CFAP299: variants seen among roughly 807,000 people sequenced by gnomAD.
The protein encoded by CFAP299 is cilia- and flagella-associated protein 299.
In CFAP299, 21 loss-of-function variants were observed where a neutral mutation model predicts 27.0. That is an observed-to-expected ratio of 0.78 (90% confidence interval 0.55 to 1.12). The LOEUF is 1.12. Ranked by LOEUF, CFAP299 falls within the 50% of genes most tolerant of loss-of-function variation. The pLI, the probability that CFAP299 is intolerant of heterozygous loss-of-function variation, is 0.00. For synonymous variants in CFAP299, 104 were observed against 98.1 expected (o/e 1.06, Z -0.36); for missense variants, 310 against 276.6 (o/e 1.12, Z -0.86).
At chr4:80,871,121 G>C (rs1023806075) in intron 4 of CFAP299, 2 of 657,674 alleles carry the variant, frequency 3.0e-6, no homozygotes, top group Non-Finnish European at 3.8e-6. Context: ...TGGTCAAGCT[G>C]GTCTCAAACT....
chr4:80,739,780 C>T (rs964573041), intron 3 of CFAP299, among the ~76,000 whole-genome samples: 1 of 151,860 alleles, frequency 6.6e-6, no homozygotes, highest in African/African-American at 2.4e-5. Context: ...CTACCCCTAT[C>T]TCTTTCTCTC....
At chr4:80,456,983 C>CTTT (rs34551414) in intron 2 of CFAP299, among the ~76,000 whole-genome samples, 8,181 of 142,792 alleles carry the variant, frequency 0.057, 500 homozygotes, top group African/African-American at 0.15. Context: ...ATTCCAAATG[C>CTTT]TTTTTTTTTT....
chr4:80,774,176 G>A (rs1035986715), intron 3 of CFAP299, among the ~76,000 whole-genome samples: 2 of 151,812 alleles, frequency 1.3e-5, no homozygotes, highest in South Asian at 2.1e-4. Flanking sequence ...AAGTAAAATA[G>A]GCCTGTGAAT....
At chr4:80,551,101 G>A (rs889368947) in intron 2 of CFAP299, among the ~76,000 whole-genome samples, 1 of 152,118 alleles carries the variant, frequency 6.6e-6, no homozygotes, top group Non-Finnish European at 1.5e-5. Context: ...TGATAACCAT[G>A]AAAACTGTTC....
chr4:80,814,312 G>GTGCCTGT, intron 3 of CFAP299, among the ~76,000 whole-genome samples: 1 of 151,996 alleles, frequency 6.6e-6, no homozygotes, highest in East Asian at 1.9e-4. Flanking sequence ...TTAAAAGCAC[G>GTGCCTGT]TGCCTGTTTT....
chr4:80,962,743 A>C (rs934063335), intron 5 of CFAP299, among the ~76,000 whole-genome samples: 1 of 151,914 alleles, frequency 6.6e-6, no homozygotes, highest in African/African-American at 2.4e-5. Flanking sequence ...CTCTTCTTAG[A>C]AGAGAGAGCA....
intron 3 of CFAP299, among the ~76,000 whole-genome samples, chr4:80,603,295 A>C (rs1297032501): frequency 6.6e-6 from 1 of 152,292 alleles, no homozygotes; most frequent in East Asian, 1.9e-4. Context: ...AAAATGCCCA[A>C]ATGTCCAGCA....
rs1007851698 is a variant in CFAP299, at chr4:80,769,532, T to C, written c.334-100461T>C. ...CCTCAGCCTCCTGAGTAGCTGGGAC[T>C]ACAAGGCATAAGCCACCATGTGCAG... On this transcript the variant is annotated intron_variant, in intron 3 of 5. Coordinates refer to ENST00000358105, the MANE Select transcript of CFAP299 (RefSeq NM_152770.3). Among the ~76,000 whole-genome samples, 4 of 152,158 alleles carry C rather than the reference T, an allele frequency of 2.6e-5. No individual in the cohort carries two copies. In the South Asian group the frequency reaches 8.3e-4, roughly 32 times the overall value.
chr4:80,876,171 A>G (rs1016717706), intron 4 of CFAP299, among the ~76,000 whole-genome samples: 2 of 149,086 alleles, frequency 1.3e-5, no homozygotes, highest in Admixed American at 1.3e-4. Context: ...ATTATATTAT[A>G]TATAATATTT....
At chr4:80,844,763 A>G (rs1731075106) in intron 3 of CFAP299, among the ~76,000 whole-genome samples, 1 of 152,008 alleles carries the variant, frequency 6.6e-6, no homozygotes, top group Non-Finnish European at 1.5e-5. Flanking sequence ...GTTTAATTAG[A>G]TCCCATTTGT....
intron 2 of CFAP299, chr4:80,387,169 G>T: frequency 7.3e-7 from 1 of 1,361,898 alleles, no homozygotes; most frequent in Non-Finnish European, 1.1e-6. Flanking sequence ...TCTTGGGGCT[G>T]TGCTGTGGAA....
At chr4:80,604,904 A>AAC (rs1553938994) in intron 3 of CFAP299, among the ~76,000 whole-genome samples, 3 of 151,390 alleles carry the variant, frequency 2.0e-5, no homozygotes, top group African/African-American at 7.3e-5. Context: ...AAAAAAAAAA[A>AAC]CATGTAATCC....
At chr4:80,341,287 G>A (rs764538045) in intron 1 of CFAP299, among the ~76,000 whole-genome samples, 2 of 152,230 alleles carry the variant, frequency 1.3e-5, no homozygotes, top group Non-Finnish European at 2.9e-5. Context: ...TCCAGGCAGT[G>A]TGGATGAGGA....
At chr4:80,676,407 G>A (rs947069313) in intron 3 of CFAP299, among the ~76,000 whole-genome samples, 6 of 152,056 alleles carry the variant, frequency 3.9e-5, no homozygotes, top group Admixed American at 6.6e-5. Flanking sequence ...AATGATAATG[G>A]CCTGTAGTTT....
chr4:80,513,289 A>G (rs1350264139), intron 2 of CFAP299, among the ~76,000 whole-genome samples: 2 of 152,156 alleles, frequency 1.3e-5, no homozygotes, highest in African/African-American at 4.8e-5. Context: ...TGTGAGCCAC[A>G]AGTAGTGGTA....
At chr4:80,336,008 C>T (rs1406530305) in intron 1 of CFAP299, 129 bp downstream of exon 1, 4 of 642,974 alleles carry the variant, frequency 6.2e-6, no homozygotes, top group Admixed American at 2.8e-5. Context: ...GTTTCGGGAC[C>T]GCGACACTAA....
intron 4 of CFAP299, among the ~76,000 whole-genome samples, chr4:80,933,133 TTTTTCTTTCTTTCC>T (rs1489200360): frequency 1.1e-4 from 17 of 151,182 alleles, no homozygotes; most frequent in African/African-American, 1.7e-4. Context: ...TCCTTCTTTC[TTTTTCTTTCTTTCC>T]TTTTCTTTCT....
chr4:80,687,407 G>T (rs544189388), intron 3 of CFAP299, among the ~76,000 whole-genome samples: 1 of 152,188 alleles, frequency 6.6e-6, no homozygotes, highest in East Asian at 1.9e-4. Flanking sequence ...TAAGAAAACT[G>T]AGACCTATGG....
At position 80,940,787 on chromosome 4, in the gene CFAP299, A is replaced by AAT. The variant is rs529000987; in HGVS notation, c.477-4015_477-4014dup. Among the ~76,000 whole-genome samples, 42 of 152,290 alleles carry AAT rather than the reference A, an allele frequency of 2.8e-4. 1 individual carries two copies. The South Asian group carries it at 8.7e-3, about 32-fold the overall frequency. ...CTGTCCTAAAAAATTATACCTTGTA[A>AAT]ATATATATACAAATTACTCAGTTAC... On this transcript the variant is annotated intron_variant, in intron 4 of 5. Coordinates refer to ENST00000358105, the MANE Select transcript of CFAP299 (RefSeq NM_152770.3).
Sources: allele counts gnomAD v4.1 joint callset (sites outside exome capture counted in the v4.1 genomes callset), GRCh38; gene constraint gnomAD v4.1.1; transcripts MANE v1.5; gene names NCBI Gene and HGNC (gene_info 2026-07-23, HGNC 2026-07-21).